Variants in RAPGEF4 observed in about 807,000 individuals in gnomAD.
The protein encoded by RAPGEF4 is RAP guanine-nucleotide-exchange factor (GEF) 4.
In RAPGEF4, 66 loss-of-function variants were observed where a neutral mutation model predicts 147.9. That is an observed-to-expected ratio of 0.45 (90% CI 0.37 to 0.55). The LOEUF (loss-of-function observed/expected upper bound fraction) is 0.55, where lower values mean the gene tolerates loss of function less well. Among genes scored for constraint, RAPGEF4 ranks in the 20% least tolerant of loss-of-function variants. The probability of loss-of-function intolerance (pLI) is 0.00; values close to 1 mark genes in which losing one functional copy is unlikely to be tolerated. For synonymous variants in RAPGEF4, 419 were observed against 442.7 expected (o/e 0.95, Z 0.67); for missense variants, 1,071 against 1,257.3 (o/e 0.85, Z 2.24).
chr2:173,003,020 G>T (rs950700147), intron 17 of RAPGEF4, among the ~76,000 whole-genome samples: 4 of 151,870 alleles, frequency 2.6e-5, no homozygotes, highest in East Asian at 1.9e-4. Context: ...TTTAGACTTG[G>T]TTTTTTTTAG....
Position 172,819,461 on chromosome 2 carries a change from CTT to C in RAPGEF4, c.444+5057_444+5058del, listed in dbSNP as rs1242605865. ...AAGTCTTAGAATACCATTTTTAGTT[CTT>C]TTTTTTTTTTTTTTTTTTTTGAGAC... On this transcript the variant is annotated intron_variant, in intron 4 of 30. Coordinates refer to ENST00000397081, the MANE Select transcript of RAPGEF4 (RefSeq NM_007023.4). Among the ~76,000 whole-genome samples, 47 of 87,012 alleles carry C rather than the reference CTT, an allele frequency of 5.4e-4. No individual in the cohort carries two copies. In the South Asian group the frequency reaches 8.7e-3, roughly 16 times the overall value. The allele number at this position is 87,012 out of a possible 152,430, so 57.1% of individuals were successfully genotyped here. A position where few individuals can be genotyped will look rare whatever the true frequency, so the allele number is the denominator to read the frequency against.
intron 4 of RAPGEF4, among the ~76,000 whole-genome samples, chr2:172,871,028 T>C (rs994884500): frequency 6.6e-6 from 1 of 152,200 alleles, no homozygotes; most frequent in Admixed American, 6.5e-5. Flanking sequence ...TCTCAGATAG[T>C]CTGTTTAAAT....
chr2:173,014,706 A>G, intron 18 of RAPGEF4, 92 bp downstream of exon 18: 1 of 1,218,510 alleles, frequency 8.2e-7, no homozygotes. Flanking sequence ...GAGAGACCGT[A>G]ATTGCAAATG....
intron 1 of RAPGEF4, among the ~76,000 whole-genome samples, chr2:172,744,611 C>T (rs1694611123): frequency 6.6e-6 from 1 of 152,200 alleles, no homozygotes; most frequent in Non-Finnish European, 1.5e-5. Flanking sequence ...TCCCTGTAGA[C>T]AATCTTGAAT....
intron 6 of RAPGEF4, among the ~76,000 whole-genome samples, chr2:172,943,893 G>A (rs1424403715): frequency 6.6e-6 from 1 of 152,106 alleles, no homozygotes; most frequent in Non-Finnish European, 1.5e-5. Flanking sequence ...GATCACTGAG[G>A]TTAACCTCCT....
intron 4 of RAPGEF4, among the ~76,000 whole-genome samples, chr2:172,840,105 T>C (rs148183574): frequency 7.1e-4 from 108 of 152,324 alleles, no homozygotes; most frequent in African/African-American, 2.5e-3. Context: ...CCTTTGAGCA[T>C]GTGACGAATT....
chr2:172,832,600 G>A (rs1462475130), intron 4 of RAPGEF4, among the ~76,000 whole-genome samples: 1 of 152,146 alleles, frequency 6.6e-6, no homozygotes, highest in Admixed American at 6.5e-5. Context: ...TAACTTACAT[G>A]CAGAATGACC....
intron 6 of RAPGEF4, among the ~76,000 whole-genome samples, chr2:172,938,810 A>G (rs1686858867): frequency 1.3e-5 from 2 of 152,208 alleles, no homozygotes; most frequent in African/African-American, 4.8e-5. Flanking sequence ...TTACTGCCCT[A>G]AGCAATTCCC....
intron 4 of RAPGEF4, among the ~76,000 whole-genome samples, chr2:172,831,265 A>AATTTTTTTTTTTTTT (rs1491195850): frequency 1.2e-4 from 2 of 16,618 alleles, no homozygotes; most frequent in East Asian, 2.4e-3. Context: ...CAGATAGAAA[A>AATTTTTTTTTTTTTT]CTTTTTTTTT....
chr2:172,868,883 A>G (rs1694916944), intron 4 of RAPGEF4, among the ~76,000 whole-genome samples: 2 of 152,162 alleles, frequency 1.3e-5, no homozygotes, highest in African/African-American at 4.8e-5. Flanking sequence ...GCTTGCAATC[A>G]TGGTGGAAGG....
At chr2:172,818,237 A>G (rs1448566260) in intron 4 of RAPGEF4, among the ~76,000 whole-genome samples, 1 of 152,134 alleles carries the variant, frequency 6.6e-6, no homozygotes, top group South Asian at 2.1e-4. Context: ...TACAGAGTAC[A>G]CTACTCAGGT....
At chr2:172,848,758 G>A (rs1012319608) in intron 4 of RAPGEF4, among the ~76,000 whole-genome samples, 2 of 152,248 alleles carry the variant, frequency 1.3e-5, no homozygotes, top group Middle Eastern at 3.4e-3. Flanking sequence ...AACAGCCTTC[G>A]AGTCCAGCAA....
chr2:173,010,940 G>C (rs996484239), intron 17 of RAPGEF4, among the ~76,000 whole-genome samples: 1 of 152,178 alleles, frequency 6.6e-6, no homozygotes, highest in African/African-American at 2.4e-5. Context: ...TCCATGAGGG[G>C]ACAAATGAGA....
At chr2:172,951,769 T>C (rs975908848) in intron 6 of RAPGEF4, among the ~76,000 whole-genome samples, 2 of 152,108 alleles carry the variant, frequency 1.3e-5, no homozygotes, top group East Asian at 1.9e-4. Context: ...CTGTAAACTA[T>C]AGAGTTTGGC....
At chr2:172,964,401 A>T (rs1164681609) in intron 8 of RAPGEF4, among the ~76,000 whole-genome samples, 98 of 115,132 alleles carry the variant, frequency 8.5e-4, no homozygotes, top group Admixed American at 2.3e-3. Flanking sequence ...TGCTCCTCCT[A>T]TTTTTTTTTT....
chr2:172,864,193 G>C (rs940133277), intron 4 of RAPGEF4, among the ~76,000 whole-genome samples: 17 of 152,158 alleles, frequency 1.1e-4, no homozygotes, highest in African/African-American at 4.1e-4. Flanking sequence ...TCACAAACGA[G>C]GATGAGAGAA....
intron 4 of RAPGEF4, among the ~76,000 whole-genome samples, chr2:172,828,101 G>A (rs912480027): frequency 4.6e-5 from 7 of 152,180 alleles, no homozygotes; most frequent in East Asian, 1.9e-4. Flanking sequence ...ACTTGTGGCC[G>A]TCAAGGATCT....
At chr2:172,836,754 C>T (rs1690983053) in intron 4 of RAPGEF4, among the ~76,000 whole-genome samples, 1 of 152,314 alleles carries the variant, frequency 6.6e-6, no homozygotes, top group Non-Finnish European at 1.5e-5. Context: ...GGAAATAGCT[C>T]GTGGCTAGCA....
intron 15 of RAPGEF4, among the ~76,000 whole-genome samples, chr2:172,994,538 G>A (rs992876085): frequency 2.4e-4 from 36 of 152,176 alleles, no homozygotes; most frequent in African/African-American, 8.4e-4. Flanking sequence ...GAGTAAACAG[G>A]ACGACCTTAT....
Sources: allele counts gnomAD v4.1 joint callset (sites outside exome capture counted in the v4.1 genomes callset), GRCh38; gene constraint gnomAD v4.1.1; transcripts MANE v1.5; gene names NCBI Gene and HGNC (gene_info 2026-07-23, HGNC 2026-07-21).